ZNF362: variants seen among roughly 807,000 people sequenced by gnomAD.
ZNF362 encodes the protein rotund homolog.
ZNF362 carries 11 observed loss-of-function variants against 42.9 expected under a neutral mutation model. That is an observed-to-expected ratio of 0.26 (90% CI 0.16 to 0.42). ZNF362 has a LOEUF of 0.42. Ranked by LOEUF, ZNF362 falls within the 20% of genes least tolerant of loss-of-function variation. The pLI is 1.00. For synonymous variants in ZNF362, 255 were observed against 257.3 expected, an observed-to-expected ratio of 0.99 and a Z score of 0.09; for missense variants, 362 against 576.2, an observed-to-expected ratio of 0.63 and a Z score of 3.81.
chr1:33,174,968 T>TGCAC, the ZNF362 span, among the ~76,000 whole-genome samples: 385 of 124,898 alleles, frequency 3.1e-3, 5 homozygotes, highest in African/African-American at 0.013. Flanking sequence ...TATATATATA[T>TGCAC]ACACACATAT....
chr1:33,135,525 G>C, the ZNF362 span, among the ~76,000 whole-genome samples: 1 of 152,164 alleles, frequency 6.6e-6, no homozygotes, highest in East Asian at 1.9e-4. Flanking sequence ...ACCCAGCAAG[G>C]CTTCTCTGTT....
At chr1:33,290,246 A>C (rs1037391820) in intron 6 of ZNF362, among the ~76,000 whole-genome samples, 3 of 152,144 alleles carry the variant, frequency 2.0e-5, no homozygotes, top group Non-Finnish European at 4.4e-5. Context: ...CCGGTGTGTG[A>C]TGGTCCCCTT....
the ZNF362 span, among the ~76,000 whole-genome samples, chr1:33,149,209 G>C: frequency 2.0e-5 from 3 of 152,176 alleles, no homozygotes; most frequent in Admixed American, 1.3e-4. Flanking sequence ...CGGGAATGCA[G>C]TGGCATGATC....
At chr1:33,270,454 G>A in intron 1 of ZNF362, 33 bp from the exon 2 acceptor site, 2 of 638,986 alleles carry the variant, frequency 3.1e-6, no homozygotes, top group South Asian at 4.0e-5. Context: ...TATTATTATT[G>A]TTATTATTGT....
chr1:33,275,166 C>A lies in ZNF362; in HGVS notation c.39-934C>A, dbSNP rs548233197. ...GACAGGGAGCAAGACTTAATGGAAA[C>A]CCTCTGTGAGGCATGGTCCCTGTAA... On this transcript the variant is annotated intron_variant, in intron 2 of 8. Coordinates refer to ENST00000539719, the MANE Select transcript of ZNF362 (RefSeq NM_152493.3). The A allele has an allele frequency of 4.1e-6, 4 of 985,404 alleles. No individual in the cohort carries two copies. In the African/African-American group the frequency reaches 5.2e-5, roughly 13 times the overall value. 61.0% of individuals were successfully genotyped at this position (985,404 alleles called of 1,614,324 possible).
chr1:33,285,656 T>C (rs571602507), intron 6 of ZNF362, among the ~76,000 whole-genome samples: 1 of 152,362 alleles, frequency 6.6e-6, no homozygotes, highest in African/African-American at 2.4e-5. Flanking sequence ...TATGTTTATG[T>C]ATGTATAAAA....
the ZNF362 span, among the ~76,000 whole-genome samples, chr1:33,184,980 C>G: frequency 6.6e-6 from 1 of 152,030 alleles, no homozygotes; most frequent in Admixed American, 6.6e-5. Context: ...AGGGTTTCAC[C>G]ATATTGGTCA....
At chr1:33,185,357 G>C in the ZNF362 span, among the ~76,000 whole-genome samples, 1 of 151,904 alleles carries the variant, frequency 6.6e-6, no homozygotes, top group African/African-American at 2.4e-5. Flanking sequence ...GAGTAGCTGG[G>C]ATTACAGGTG....
chr1:33,199,093 G>A, the ZNF362 span, among the ~76,000 whole-genome samples: 1 of 151,972 alleles, frequency 6.6e-6, no homozygotes, highest in South Asian at 2.1e-4. Context: ...AAGGAGAGAA[G>A]GGAAGAAAAG....
At chr1:33,232,705 C>T in the ZNF362 span, among the ~76,000 whole-genome samples, 1 of 152,188 alleles carries the variant, frequency 6.6e-6, no homozygotes, top group East Asian at 1.9e-4. Context: ...CACCGAATTT[C>T]CAAACCCCAG....
At chr1:33,271,293 T>TG (rs796189527) in intron 2 of ZNF362, among the ~76,000 whole-genome samples, 14 of 152,302 alleles carry the variant, frequency 9.2e-5, no homozygotes, top group African/African-American at 2.9e-4. Flanking sequence ...GCTCCTCGCC[T>TG]GGGGGGCCTT....
chr1:33,180,773 G>C, the ZNF362 span, among the ~76,000 whole-genome samples: 2 of 152,260 alleles, frequency 1.3e-5, no homozygotes, highest in African/African-American at 4.8e-5. Context: ...CGGACCAGCC[G>C]GTACTCCAGG....
the ZNF362 span, chr1:33,196,045 T>G: frequency 6.6e-6 from 1 of 152,190 alleles, no homozygotes; most frequent in South Asian, 2.1e-4. Context: ...ATTTTTTAAA[T>G]TATTATTCTT....
the ZNF362 span, among the ~76,000 whole-genome samples, chr1:33,204,151 GTATAA>G: frequency 2.6e-5 from 4 of 152,054 alleles, no homozygotes; most frequent in South Asian, 4.1e-4. Flanking sequence ...ATTTTTTTCT[GTATAA>G]TATAAGAGTC....
chr1:33,298,853 G>C, intron 8 of ZNF362, 77 bp from the exon 9 acceptor site: 2 of 1,281,714 alleles, frequency 1.6e-6, no homozygotes, highest in Non-Finnish European at 2.3e-6. Context: ...CCCTCCAGTG[G>C]CTGCTGGTGG....
chr1:33,179,487 T>G, the ZNF362 span, among the ~76,000 whole-genome samples: 4 of 152,210 alleles, frequency 2.6e-5, no homozygotes, highest in African/African-American at 9.7e-5. Context: ...TTTGAGTATC[T>G]CGAGGCCAGA....
At chr1:33,247,746 C>T in the ZNF362 span, among the ~76,000 whole-genome samples, 14 of 152,274 alleles carry the variant, frequency 9.2e-5, no homozygotes, top group Admixed American at 1.3e-4. Context: ...GGATCCAGCA[C>T]GGGAGGATTG....
At chr1:33,255,771 C>CT (rs1570374657), upstream of ZNF362, among the ~76,000 whole-genome samples, 2 of 151,670 alleles carry the variant, frequency 1.3e-5, no homozygotes, top group East Asian at 3.9e-4. Context: ...ATGTCCTCGT[C>CT]TTAAAAAAAA....
At chr1:33,185,623 T>C in the ZNF362 span, among the ~76,000 whole-genome samples, 9 of 152,202 alleles carry the variant, frequency 5.9e-5, no homozygotes, top group African/African-American at 2.2e-4. Flanking sequence ...TGCAGAACAC[T>C]AAAACTGTTG....
Sources: gnomAD v4.1 joint callset for allele counts (sites outside exome capture counted in the v4.1 genomes callset) on GRCh38, gnomAD v4.1.1 for gene constraint, MANE v1.5 for transcripts, NCBI Gene and HGNC (gene_info 2026-07-23, HGNC 2026-07-21) for gene names.